The following RBMS3 variants were observed in gnomAD, a reference collection of about 807,000 sequenced individuals.
RBMS3 encodes the protein RNA-binding motif, single-stranded-interacting protein 3.
RBMS3 carries 27 observed loss-of-function variants against 66.8 expected under a neutral mutation model. The ratio of observed to expected loss-of-function variants is 0.40; its 90% confidence interval spans 0.30 to 0.56. The LOEUF is 0.56. RBMS3 is among the 20% of genes least tolerant of loss of function. The pLI is 0.40. For missense variants in RBMS3, 513 were observed against 549.5 expected, an observed-to-expected ratio of 0.93 and a Z score of 0.66; for synonymous variants, 188 against 183.0, an observed-to-expected ratio of 1.03 and a Z score of -0.22.
chr3:29,316,641 A>G (rs2034694515), intron 1 of RBMS3, among the ~76,000 whole-genome samples: 1 of 151,584 alleles, frequency 6.6e-6, no homozygotes, highest in Non-Finnish European at 1.5e-5. Context: ...ATTATAAATT[A>G]TAATTAAATT....
At chr3:29,894,545 A>G (rs2060081329) in intron 8 of RBMS3, among the ~76,000 whole-genome samples, 1 of 151,396 alleles carries the variant, frequency 6.6e-6, no homozygotes, top group Admixed American at 6.6e-5. Flanking sequence ...AAAGAACACT[A>G]ATCCTATTTC....
chr3:29,366,524 C>G (rs1333105311), intron 1 of RBMS3, among the ~76,000 whole-genome samples: 1 of 150,896 alleles, frequency 6.6e-6, no homozygotes, highest in East Asian at 1.9e-4. Flanking sequence ...GGTACTACAG[C>G]TATGAGCCAC....
intron 6 of RBMS3, among the ~76,000 whole-genome samples, chr3:29,794,972 A>G (rs1359285856): frequency 1.3e-5 from 2 of 152,168 alleles, no homozygotes; most frequent in East Asian, 1.9e-4. Flanking sequence ...TCAACTCATC[A>G]GTACTATTTT....
intron 5 of RBMS3, among the ~76,000 whole-genome samples, chr3:29,759,432 C>A (rs2055565781): frequency 6.6e-6 from 1 of 152,234 alleles, no homozygotes; most frequent in South Asian, 2.1e-4. Flanking sequence ...GCCTGGCACT[C>A]AAGCTGTTCT....
intron 3 of RBMS3, among the ~76,000 whole-genome samples, chr3:29,500,702 A>G (rs1259321982): frequency 3.3e-5 from 5 of 152,188 alleles, no homozygotes; most frequent in Admixed American, 2.6e-4. Context: ...ATAGTAGGCT[A>G]TACCATCTAC....
At chr3:29,442,009 G>A (rs1470815125) in intron 2 of RBMS3, among the ~76,000 whole-genome samples, 6 of 152,238 alleles carry the variant, frequency 3.9e-5, no homozygotes, top group African/African-American at 1.4e-4. Flanking sequence ...TAGGCACATG[G>A]ATAATAAAGC....
chr3:29,900,172 T>C (rs949784093), intron 10 of RBMS3, among the ~76,000 whole-genome samples: 12 of 151,822 alleles, frequency 7.9e-5, no homozygotes, highest in Non-Finnish European at 1.6e-4. Context: ...GATATGCTTT[T>C]CTTTCTTTGG....
intron 4 of RBMS3, among the ~76,000 whole-genome samples, chr3:29,597,815 G>C (rs143545206): frequency 6.6e-6 from 1 of 151,538 alleles, no homozygotes; most frequent in African/African-American, 2.4e-5. Flanking sequence ...TTTAAATGAC[G>C]CAATATTAAG....
chr3:29,580,372 A>C (rs1047967492), intron 3 of RBMS3, among the ~76,000 whole-genome samples: 3 of 152,306 alleles, frequency 2.0e-5, no homozygotes, highest in Non-Finnish European at 4.4e-5. Flanking sequence ...ATATACATAA[A>C]TTTAGAATAT....
intron 7 of RBMS3, among the ~76,000 whole-genome samples, chr3:29,883,257 G>A (rs965988821): frequency 6.6e-6 from 1 of 152,168 alleles, no homozygotes; most frequent in African/African-American, 2.4e-5. Context: ...CAATGTCATA[G>A]CTGAGGAATG....
At chr3:29,922,356 G>A (rs1026887165) in intron 10 of RBMS3, among the ~76,000 whole-genome samples, 7 of 151,296 alleles carry the variant, frequency 4.6e-5, no homozygotes, top group African/African-American at 1.2e-4. Flanking sequence ...GCGCGGTGGC[G>A]GGCGCCTGTA....
At chr3:29,921,890 C>G (rs1290011493) in intron 10 of RBMS3, among the ~76,000 whole-genome samples, 1 of 152,064 alleles carries the variant, frequency 6.6e-6, no homozygotes, top group Non-Finnish European at 1.5e-5. Flanking sequence ...TCCTGGGGAC[C>G]CAGAGCCTCC....
At chr3:29,764,975 AG>A (rs1218870800) in intron 6 of RBMS3, among the ~76,000 whole-genome samples, 4 of 152,040 alleles carry the variant, frequency 2.6e-5, no homozygotes, top group African/African-American at 9.7e-5. Flanking sequence ...TATGCTTCTG[AG>A]ATTTCCACTC....
At chr3:29,919,000 T>C (rs1435977019) in intron 10 of RBMS3, among the ~76,000 whole-genome samples, 15 of 152,114 alleles carry the variant, frequency 9.9e-5, no homozygotes, top group Admixed American at 7.2e-4. Flanking sequence ...TTATCTTTTT[T>C]CTTTTTATAT....
rs542679322 is a variant in RBMS3, at chr3:29,932,894, C to T, written c.940-3192C>T. Among the ~76,000 whole-genome samples, 3 of 152,196 alleles carry T rather than the reference C, an allele frequency of 2.0e-5. No individual in the cohort carries two copies. In the South Asian group the frequency reaches 6.2e-4, roughly 32 times the overall value. On this transcript the variant is annotated intron_variant, in intron 10 of 14. Transcript: ENST00000383767. The stretch of plus-strand genomic sequence containing the variant: ...TCAGAACTAGGGCAACCAGATCCAC[C>T]CTTTGTCTCTTGAGTGGGAGCAGCT...
intron 5 of RBMS3, among the ~76,000 whole-genome samples, chr3:29,751,004 A>T (rs1224671156): frequency 6.6e-6 from 1 of 150,836 alleles, no homozygotes; most frequent in South Asian, 2.1e-4. Context: ...AAGTCAATGC[A>T]TAATAATAGT....
At chr3:29,805,323 C>T (rs2057514150) in intron 6 of RBMS3, among the ~76,000 whole-genome samples, 1 of 151,986 alleles carries the variant, frequency 6.6e-6, no homozygotes, top group African/African-American at 2.4e-5. Context: ...AATACTTGAT[C>T]ATGATAATAA....
chr3:29,676,815 C>T (rs1444646119), intron 4 of RBMS3, among the ~76,000 whole-genome samples: 3 of 151,868 alleles, frequency 2.0e-5, no homozygotes, highest in African/African-American at 7.3e-5. Flanking sequence ...CCATTTTTTC[C>T]CCTTCAAAAC....
chr3:29,666,932 A>G (rs74478501), intron 4 of RBMS3, among the ~76,000 whole-genome samples: 2,323 of 152,246 alleles, frequency 0.015, 76 homozygotes, highest in African/African-American at 0.053. Context: ...TTAATCTACT[A>G]TTAAGTTCAA....
Sources: gnomAD v4.1 joint callset for allele counts (sites outside exome capture counted in the v4.1 genomes callset) on GRCh38, gnomAD v4.1.1 for gene constraint, MANE v1.5 for transcripts, NCBI Gene and HGNC (gene_info 2026-07-23, HGNC 2026-07-21) for gene names.